The following SERPINB7 variants were observed in gnomAD, a reference collection of about 807,000 sequenced individuals.
The protein encoded by SERPINB7 is serpin family B member 7.
Under a neutral mutation model 37.4 loss-of-function variants are expected in SERPINB7, and 31 were observed. That is an observed-to-expected ratio of 0.83 (90% CI 0.62 to 1.12). SERPINB7 has a LOEUF of 1.12. Among genes scored for constraint, SERPINB7 ranks in the 50% most tolerant of loss-of-function variants. The pLI, the probability that SERPINB7 is intolerant of heterozygous loss-of-function variation, is 0.00. For synonymous variants in SERPINB7, 163 were observed against 166.1 expected (o/e 0.98, Z 0.14); for missense variants, 521 against 455.3 (o/e 1.14, Z -1.31).
At chr18:63,794,091 G>T (rs1309405032) in intron 4 of SERPINB7, among the ~76,000 whole-genome samples, 1 of 147,584 alleles carries the variant, frequency 6.8e-6, no homozygotes, top group African/African-American at 2.5e-5. Flanking sequence ...TTACAGGCAC[G>T]TGCCACCACA....
intron 1 of SERPINB7, among the ~76,000 whole-genome samples, chr18:63,755,094 C>T (rs1015061774): frequency 2.1e-5 from 3 of 141,824 alleles, no homozygotes; most frequent in Admixed American, 7.0e-5. Context: ...TTAGTAGAGA[C>T]GGGGTTTCAC....
chr18:63,792,675 T>C (rs552641220), intron 3 of SERPINB7, among the ~76,000 whole-genome samples: 1 of 152,232 alleles, frequency 6.6e-6, no homozygotes, highest in South Asian at 2.1e-4. Context: ...ACCCAAGAGA[T>C]GGAAGTTGGA....
chr18:63,799,285 TGG>T (rs2049522114), intron 6 of SERPINB7, among the ~76,000 whole-genome samples: 1 of 152,210 alleles, frequency 6.6e-6, no homozygotes, highest in Non-Finnish European at 1.5e-5. Context: ...CATATATTCT[TGG>T]GTTTTAAAAT....
upstream of SERPINB7, among the ~76,000 whole-genome samples, chr18:63,770,943 C>A (rs979373537): frequency 3.3e-5 from 5 of 149,406 alleles, no homozygotes; most frequent in African/African-American, 4.9e-5. Context: ...AAATTTTATT[C>A]ATCTTCGTTG....
chr18:63,769,301 AT>A (rs1290575017), intron 1 of SERPINB7, among the ~76,000 whole-genome samples: 96 of 152,056 alleles, frequency 6.3e-4, no homozygotes, highest in African/African-American at 2.2e-3. Context: ...GATTTTTATT[AT>A]TGTATTTTTT....
intron 5 of SERPINB7, 35 bp downstream of exon 5, chr18:63,796,418 T>C (rs766431431): frequency 8.2e-7 from 1 of 1,219,172 alleles, no homozygotes; most frequent in South Asian, 1.2e-5. Flanking sequence ...TCTACAAGAT[T>C]TGTCAGTTAT....
intron 1 of SERPINB7, among the ~76,000 whole-genome samples, chr18:63,764,379 G>A (rs1440731862): frequency 2.0e-5 from 3 of 152,150 alleles, no homozygotes; most frequent in Non-Finnish European, 4.4e-5. Flanking sequence ...TGACAAAGTG[G>A]TTTGGCCCTT....
chr18:63,797,201 T>C (rs558379605), intron 5 of SERPINB7, among the ~76,000 whole-genome samples: 1 of 152,334 alleles, frequency 6.6e-6, no homozygotes, highest in African/African-American at 2.4e-5. Context: ...CTCTAAATAT[T>C]GTACCTGTAT....
rs1221345339 is a variant in SERPINB7 at position 63,759,847 on chromosome 18, T to C, written c.-19+6727T>C. On this transcript the variant is annotated intron_variant, in intron 1 of 7. Coordinates refer to the SERPINB7 transcript ENST00000336429. ...GTCACTACCATGTAAGAAGTGCTTC[T>C]CACCTCCCCCCATGATTCTGAGGCC... Among the ~76,000 whole-genome samples, 6 of 152,352 alleles carry C rather than the reference T, an allele frequency of 3.9e-5. 1 individual carries two copies. The East Asian group carries it at 1.2e-3, about 29-fold the overall frequency.
chr18:63,794,657 T>C (rs1405066560), intron 4 of SERPINB7, among the ~76,000 whole-genome samples: 1 of 151,916 alleles, frequency 6.6e-6, no homozygotes, highest in African/African-American at 2.4e-5. Flanking sequence ...GCCACTGCAC[T>C]CCGGCCTGGG....
At chr18:63,786,095 A>G (rs1286175358) in intron 2 of SERPINB7, among the ~76,000 whole-genome samples, 1 of 123,448 alleles carries the variant, frequency 8.1e-6, no homozygotes, top group Non-Finnish European at 1.5e-5. Context: ...TACATATAAT[A>G]TAAGTATATA....
At chr18:63,754,880 CTTTTTTTTTTTTTTTTTTT>C (rs71162676) in intron 1 of SERPINB7, among the ~76,000 whole-genome samples, 1 of 57,980 alleles carries the variant, frequency 1.7e-5, no homozygotes, top group African/African-American at 7.1e-5. Flanking sequence ...AAACTGAGGT[CTTTTTTTTTTTTTTTTTTT>C]TTTTTTTTTT....
intron 1 of SERPINB7, among the ~76,000 whole-genome samples, chr18:63,767,566 G>A (rs991033975): frequency 6.6e-6 from 1 of 152,050 alleles, no homozygotes; most frequent in African/African-American, 2.4e-5. Flanking sequence ...ATACTAACAT[G>A]CTTTCTAATA....
At chr18:63,757,411 G>A (rs942523029) in intron 1 of SERPINB7, among the ~76,000 whole-genome samples, 1 of 152,152 alleles carries the variant, frequency 6.6e-6, no homozygotes, top group Admixed American at 6.5e-5. Flanking sequence ...ATGCTAATTT[G>A]CTATTATCTG....
intron 2 of SERPINB7, among the ~76,000 whole-genome samples, chr18:63,783,751 T>G (rs2049337034): frequency 6.6e-6 from 1 of 152,214 alleles, no homozygotes; most frequent in African/African-American, 2.4e-5. Flanking sequence ...CGTCCCTTTC[T>G]GCCCCCACCT....
intron 1 of SERPINB7, among the ~76,000 whole-genome samples, chr18:63,778,671 T>C (rs572995820): frequency 2.3e-4 from 35 of 152,306 alleles, no homozygotes; most frequent in African/African-American, 8.4e-4. Flanking sequence ...TTGCTTTTTA[T>C]TAAACTTTAA....
chr18:63,775,009 T>C (rs138456963), upstream of SERPINB7, among the ~76,000 whole-genome samples: 515 of 152,096 alleles, frequency 3.4e-3, 4 homozygotes, highest in South Asian at 6.0e-3. Context: ...CAGGATAGGG[T>C]TGAAAGAAAT....
chr18:63,762,495 G>C (rs761454299), intron 1 of SERPINB7, among the ~76,000 whole-genome samples: 4 of 152,112 alleles, frequency 2.6e-5, no homozygotes, highest in Non-Finnish European at 5.9e-5. Flanking sequence ...AGACACTGAG[G>C]CCTCCTGGAT....
intron 2 of SERPINB7, among the ~76,000 whole-genome samples, chr18:63,786,599 A>G (rs958917258): frequency 6.9e-6 from 1 of 144,262 alleles, no homozygotes; most frequent in Non-Finnish European, 1.5e-5. Context: ...TAGAAGCCCA[A>G]GGATGATTCA....
Sources: allele counts gnomAD v4.1 joint callset (sites outside exome capture counted in the v4.1 genomes callset), GRCh38; gene constraint gnomAD v4.1.1; transcripts MANE v1.5; gene names NCBI Gene and HGNC (gene_info 2026-07-23, HGNC 2026-07-21).